The following PTPRM variants were observed in gnomAD, a reference collection of about 807,000 sequenced individuals.
The protein encoded by PTPRM is receptor-type tyrosine-protein phosphatase mu.
PTPRM carries 47 observed loss-of-function variants against 186.7 expected under a neutral mutation model. That is an observed-to-expected ratio of 0.25 (90% CI 0.20 to 0.32). The LOEUF (loss-of-function observed/expected upper bound fraction) is 0.32, where lower values mean the gene tolerates loss of function less well. Ranked by LOEUF, PTPRM falls within the 10% of genes least tolerant of loss-of-function variation. The pLI, the probability that PTPRM is intolerant of heterozygous loss-of-function variation, is 1.00. For missense variants in PTPRM, 1,494 were observed against 1,865.0 expected, an observed-to-expected ratio of 0.80 and a Z score of 3.66; for synonymous variants, 668 against 674.9, an observed-to-expected ratio of 0.99 and a Z score of 0.16.
At chr18:7,958,918 T>C (rs1284715178) in intron 7 of PTPRM, among the ~76,000 whole-genome samples, 4 of 152,188 alleles carry the variant, frequency 2.6e-5, no homozygotes, top group African/African-American at 9.7e-5. Context: ...GAAATAATAG[T>C]GCTTTTGGGT....
chr18:8,372,569 A>G (rs1308872336), intron 24 of PTPRM, among the ~76,000 whole-genome samples: 2 of 152,178 alleles, frequency 1.3e-5, no homozygotes, highest in Middle Eastern at 3.2e-3. Flanking sequence ...TGTTTCTCAT[A>G]CTATTTAGCA....
chr18:7,906,324 T>A (rs1034338616), intron 3 of PTPRM, among the ~76,000 whole-genome samples, 181 bp from the exon 4 acceptor site: 2 of 152,148 alleles, frequency 1.3e-5, no homozygotes, highest in African/African-American at 4.8e-5. Context: ...CCCTGAAGAC[T>A]GGGGTGGGGT....
chr18:8,052,857 TTC>T (rs1484296328), intron 7 of PTPRM, among the ~76,000 whole-genome samples: 14 of 152,208 alleles, frequency 9.2e-5, no homozygotes, highest in Admixed American at 6.5e-4. Context: ...TTACCAGACT[TTC>T]TAATTTTTGT....
intron 13 of PTPRM, among the ~76,000 whole-genome samples, chr18:8,142,811 T>C (rs886882560): frequency 7.2e-5 from 11 of 152,296 alleles, no homozygotes; most frequent in African/African-American, 2.6e-4. Context: ...TTTTAGGGAA[T>C]TGAACATTGC....
chr18:8,174,282 A>T (rs1268308337), intron 14 of PTPRM, among the ~76,000 whole-genome samples: 3 of 152,186 alleles, frequency 2.0e-5, no homozygotes, highest in Admixed American at 6.5e-5. Flanking sequence ...TATCATTTAA[A>T]CTATAAAAGA....
chr18:8,258,769 T>C (rs1457987083), intron 19 of PTPRM, among the ~76,000 whole-genome samples: 1 of 152,118 alleles, frequency 6.6e-6, no homozygotes. Context: ...ACTATTTTAT[T>C]AGCTAATAGT....
chr18:8,003,372 T>G (rs1599990559), intron 7 of PTPRM, among the ~76,000 whole-genome samples: 1 of 152,222 alleles, frequency 6.6e-6, no homozygotes, highest in East Asian at 1.9e-4. Context: ...TTAAACCCCT[T>G]TCTTTTATAA....
At chr18:7,695,107 G>T (rs974155081) in intron 1 of PTPRM, among the ~76,000 whole-genome samples, 2 of 152,150 alleles carry the variant, frequency 1.3e-5, no homozygotes, top group Non-Finnish European at 2.9e-5. Flanking sequence ...CAAAGTCAGG[G>T]TTGGAACACA....
chr18:7,694,403 C>T (rs1003018072), intron 1 of PTPRM, among the ~76,000 whole-genome samples: 5 of 150,066 alleles, frequency 3.3e-5, no homozygotes, highest in African/African-American at 9.8e-5. Flanking sequence ...TAGTAGGAAA[C>T]GTAGGAAACT....
At chr18:7,984,588 T>TATATATATAC (rs1555676825) in intron 7 of PTPRM, among the ~76,000 whole-genome samples, 1 of 122,680 alleles carries the variant, frequency 8.2e-6, no homozygotes, top group African/African-American at 3.4e-5. Context: ...TATATATATA[T>TATATATATAC]ATATATATAT....
intron 22 of PTPRM, among the ~76,000 whole-genome samples, chr18:8,323,774 TTGTGCC>T (rs1299689388): frequency 2.0e-5 from 3 of 152,132 alleles, no homozygotes; most frequent in African/African-American, 7.2e-5. Flanking sequence ...AGGGAGACGC[TTGTGCC>T]CCCAACCATG....
intron 2 of PTPRM, among the ~76,000 whole-genome samples, chr18:7,836,238 T>A (rs1237263665): frequency 1.3e-5 from 2 of 152,138 alleles, no homozygotes; most frequent in East Asian, 3.8e-4. Context: ...AGTGTCTGGC[T>A]TTTTTGTGTG....
chr18:7,722,403 A>G (rs2040463733), intron 1 of PTPRM, among the ~76,000 whole-genome samples: 1 of 152,214 alleles, frequency 6.6e-6, no homozygotes, highest in Admixed American at 6.5e-5. Context: ...CATTTGGTAA[A>G]TATGAAGTAG....
At chr18:8,047,526 ATGCACTTTCTCTAGG>A (rs1242922622) in intron 7 of PTPRM, among the ~76,000 whole-genome samples, 1 of 152,160 alleles carries the variant, frequency 6.6e-6, no homozygotes, top group African/African-American at 2.4e-5. Context: ...CAGTCACACA[ATGCACTTTCTCTAGG>A]TGTTAAATTA....
chr18:8,169,299 G>C (rs1407326713), intron 14 of PTPRM, among the ~76,000 whole-genome samples: 1 of 151,054 alleles, frequency 6.6e-6, no homozygotes, highest in Non-Finnish European at 1.5e-5. Context: ...TTAACAAATG[G>C]CTGCCCAAAA....
intron 14 of PTPRM, among the ~76,000 whole-genome samples, chr18:8,237,156 C>T (rs2094354197): frequency 2.0e-5 from 3 of 152,038 alleles, no homozygotes; most frequent in Admixed American, 6.6e-5. Flanking sequence ...TTCCATTTTC[C>T]TCTCCTGTCC....
At chr18:7,755,019 G>A (rs974485646) in intron 1 of PTPRM, 2 of 152,190 alleles carry the variant, frequency 1.3e-5, no homozygotes, top group Non-Finnish European at 2.9e-5. Context: ...GGCTCCTGCC[G>A]GAGCATGCTT....
Position 7,585,659 on chromosome 18 carries a change from C to T in PTPRM, c.73+17768C>T, listed in dbSNP as rs139263915. On this transcript the variant is annotated intron_variant, in intron 1 of 32. Transcript: ENST00000580170. ...TCTTTTCCCTCATCTATCTCCCTCT[C>T]ATGTGATAGATGGGTTTTGAAAGGA... Among the ~76,000 whole-genome samples, 214 of 152,166 alleles carry T rather than the reference C, an allele frequency of 1.4e-3. 3 individuals carry two copies. In the East Asian group the frequency reaches 0.034, roughly 24 times the overall value.
At chr18:7,945,192 G>T (rs368344891) in intron 5 of PTPRM, among the ~76,000 whole-genome samples, 73 of 151,778 alleles carry the variant, frequency 4.8e-4, no homozygotes, top group African/African-American at 1.7e-3. Flanking sequence ...GGTGGCTCAC[G>T]CCTGTAATCC....
Sources: gnomAD v4.1 joint callset for allele counts (sites outside exome capture counted in the v4.1 genomes callset) on GRCh38, gnomAD v4.1.1 for gene constraint, MANE v1.5 for transcripts, NCBI Gene and HGNC (gene_info 2026-07-23, HGNC 2026-07-21) for gene names.